Variants in LIPA observed in about 807,000 individuals in gnomAD.
The protein encoded by LIPA is lipase A, lysosomal acid type.
A neutral mutation model predicts 40.6 loss-of-function variants in LIPA; 26 were observed. The ratio of observed to expected loss-of-function variants is 0.64; its 90% confidence interval spans 0.47 to 0.89. The LOEUF (loss-of-function observed/expected upper bound fraction) is 0.89, where lower values mean the gene tolerates loss of function less well. LIPA is among the 40% of genes least tolerant of loss of function. The probability of loss-of-function intolerance (pLI) is 0.00; values close to 1 mark genes in which losing one functional copy is unlikely to be tolerated. For missense variants in LIPA, 455 were observed against 479.6 expected, an observed-to-expected ratio of 0.95 and a Z score of 0.48; for synonymous variants, 188 against 168.4, an observed-to-expected ratio of 1.12 and a Z score of -0.90.
chr10:89,390,120 G>A (rs1199844218), intron 2 of LIPA, among the ~76,000 whole-genome samples: 1 of 151,756 alleles, frequency 6.6e-6, no homozygotes, highest in African/African-American at 2.4e-5. Flanking sequence ...CCGAGTAGCT[G>A]GGATTACAGG....
At chr10:89,345,453 C>T (rs1021860828), upstream of LIPA, among the ~76,000 whole-genome samples, 1 of 151,600 alleles carries the variant, frequency 6.6e-6, no homozygotes, top group African/African-American at 2.4e-5. Context: ...CTCTTGAACC[C>T]AAGAGACAGA....
chr10:89,305,929 T>C (rs1290376239), intron 1 of LIPA: 1 of 1,470,300 alleles, frequency 6.8e-7, no homozygotes, highest in African/African-American at 1.4e-5. Context: ...TAAATCTGTG[T>C]CTCAAAGTCC....
chr10:89,244,173 A>C (rs1842996220), intron 3 of LIPA, among the ~76,000 whole-genome samples: 1 of 151,868 alleles, frequency 6.6e-6, no homozygotes, highest in Non-Finnish European at 1.5e-5. Flanking sequence ...TTAGAAATCA[A>C]ATTTCAAAAA....
chr10:89,346,367 C>T (rs1044628533), upstream of LIPA, among the ~76,000 whole-genome samples: 3 of 152,094 alleles, frequency 2.0e-5, no homozygotes, highest in Non-Finnish European at 1.5e-5. Flanking sequence ...CCAGTTGTCC[C>T]ACTAATATTC....
At chr10:89,335,111 G>A (rs1261435404) in intron 1 of LIPA, among the ~76,000 whole-genome samples, 1 of 152,140 alleles carries the variant, frequency 6.6e-6, no homozygotes, top group East Asian at 1.9e-4. Context: ...GAGAGATCAA[G>A]TATCAAATAC....
At chr10:89,332,971 A>G (rs1843672983) in intron 1 of LIPA, among the ~76,000 whole-genome samples, 2 of 152,170 alleles carry the variant, frequency 1.3e-5, no homozygotes, top group Admixed American at 6.5e-5. Context: ...TTTGTTTCTT[A>G]TATTTAGAAA....
intron 1 of LIPA, among the ~76,000 whole-genome samples, chr10:89,282,089 C>T (rs1327185611): frequency 6.6e-6 from 1 of 152,224 alleles, no homozygotes; most frequent in East Asian, 1.9e-4. Flanking sequence ...CACAGAACTA[C>T]TGTGACTTTC....
intron 1 of LIPA, chr10:89,306,703 T>A (rs954439): frequency 0.51 from 819,102 of 1,613,766 alleles, 216,205 homozygotes; most frequent in East Asian, 0.85. Context: ...TAACAGATGT[T>A]CTTCGCAGTG....
intron 2 of LIPA, among the ~76,000 whole-genome samples, chr10:89,364,214 T>C (rs1453803903): frequency 6.6e-6 from 1 of 152,214 alleles, no homozygotes; most frequent in African/African-American, 2.4e-5. Flanking sequence ...GCACTTCTCC[T>C]TTATCACTGC....
intron 2 of LIPA, among the ~76,000 whole-genome samples, chr10:89,408,804 T>G (rs1243536054): frequency 6.6e-6 from 1 of 152,134 alleles, no homozygotes; most frequent in Non-Finnish European, 1.5e-5. Context: ...GCCTGAGAGT[T>G]TGGAGATACC....
chr10:89,389,188 AAG>A (rs759739656), intron 2 of LIPA, among the ~76,000 whole-genome samples: 1 of 152,268 alleles, frequency 6.6e-6, no homozygotes, highest in African/African-American at 2.4e-5. Flanking sequence ...ATAAATTAAA[AAG>A]AGAAATATCT....
chr10:89,340,073 G>A lies in LIPA; in HGVS notation c.-2+2538C>T, dbSNP rs1200174768. 1.9e-6 allele frequency: 3 copies of A among 1,613,414 alleles called. No individual in the cohort carries two copies. In the Admixed American group the frequency reaches 5.0e-5, roughly 27 times the overall value. ...GATGGTAGTGAGGAAATGGGCCAGG[G>A]CGCAGTCAGCTCCAGTCCCAGAGAG... On this transcript the variant is annotated intron_variant, in intron 1 of 5. Coordinates refer to the LIPA transcript ENST00000282673.
In LIPA at chr10:89,306,553, G is replaced by A. The variant is rs1054892535; in HGVS notation, c.-2+36058C>T. 5.0e-6 allele frequency: 8 copies of A among 1,613,960 alleles called. No homozygotes were observed. In the Admixed American group the frequency reaches 1.2e-4, roughly 24 times the overall value. On this transcript the variant is annotated intron_variant, in intron 1 of 5. Coordinates refer to the LIPA transcript ENST00000282673. Reference sequence around the variant, plus strand: ...CTCAGAACGCCATTGACCCTCTGAGGCAAGCCATTCGGCTGAATCCTGACA... The same window carrying A: ...CTCAGAACGCCATTGACCCTCTGAGACAAGCCATTCGGCTGAATCCTGACA...
In LIPA at chr10:89,326,375, C is replaced by CTTT. The variant is rs200834027; in HGVS notation, c.-2+16235_-2+16236insAAA. Among the ~76,000 whole-genome samples, 1,022 of 152,160 alleles carry CTTT rather than the reference C, an allele frequency of 6.7e-3. 15 individuals carry two copies. Among genetic ancestry groups the CTTT allele is most frequent in the East Asian group, 0.051 (264 of 5,178 alleles). ...ACATATTCTCACTTGTTTGTGGAAGCTAAAAATATTAAGACAATTGAACTT... is the reference window on the plus strand; with the variant it reads ...ACATATTCTCACTTGTTTGTGGAAGCTTTTAAAAATATTAAGACAATTGAACTT... On this transcript the variant is annotated intron_variant, in intron 1 of 5. Coordinates refer to the LIPA transcript ENST00000282673.
At chr10:89,267,453 A>C (rs932421070) in intron 1 of LIPA, among the ~76,000 whole-genome samples, 1 of 152,150 alleles carries the variant, frequency 6.6e-6, no homozygotes, top group East Asian at 1.9e-4. Flanking sequence ...ATTGGAAACC[A>C]TCATTCTCAG....
At chr10:89,338,142 T>C (rs1843776257) in intron 1 of LIPA, 1 of 154,134 alleles carries the variant, frequency 6.5e-6, no homozygotes, top group East Asian at 1.9e-4. Flanking sequence ...AACCCCATCA[T>C]AAGTCAAGGA....
chr10:89,256,553 T>C (rs1181747457), upstream of LIPA, among the ~76,000 whole-genome samples: 36 of 152,188 alleles, frequency 2.4e-4, 1 homozygote, highest in Admixed American at 2.4e-3. Flanking sequence ...TTAAGTGAAG[T>C]GAGTACTGAG....
intron 1 of LIPA, among the ~76,000 whole-genome samples, chr10:89,296,951 G>C (rs1436476137): frequency 6.6e-6 from 1 of 152,182 alleles, no homozygotes; most frequent in Non-Finnish European, 1.5e-5. Context: ...TTAAAATATG[G>C]TGGGGATTCT....
intron 3 of LIPA, among the ~76,000 whole-genome samples, chr10:89,235,093 T>G (rs552494152): frequency 6.6e-6 from 1 of 152,324 alleles, no homozygotes; most frequent in East Asian, 1.9e-4. Flanking sequence ...CAGAAAGCTA[T>G]TTTTGAAAGG....
Sources: allele counts gnomAD v4.1 joint callset (sites outside exome capture counted in the v4.1 genomes callset), GRCh38; gene constraint gnomAD v4.1.1; transcripts MANE v1.5; gene names NCBI Gene and HGNC (gene_info 2026-07-23, HGNC 2026-07-21).